SHANK2: variants seen among roughly 807,000 people sequenced by gnomAD.
The protein encoded by SHANK2 is SH3 and multiple ankyrin repeat domains 2.
Under a neutral mutation model 133.7 loss-of-function variants are expected in SHANK2, and 43 were observed. The ratio of observed to expected loss-of-function variants is 0.32; its 90% CI spans 0.25 to 0.41. The LOEUF (loss-of-function observed/expected upper bound fraction) is 0.41. SHANK2 is among the 10% of genes least tolerant of loss of function. The pLI is 1.00. For synonymous variants in SHANK2, 1,017 were observed against 952.8 expected, an observed-to-expected ratio of 1.07 and a Z score of -1.24; for missense variants, 1,994 against 2,235.8, an observed-to-expected ratio of 0.89 and a Z score of 2.18.
At chr11:71,060,118 CG>C (rs1267560469) in intron 9 of SHANK2, among the ~76,000 whole-genome samples, 2 of 152,174 alleles carry the variant, frequency 1.3e-5, no homozygotes, top group Non-Finnish European at 2.9e-5. Flanking sequence ...GGTTCTCAAC[CG>C]GGGGTAATTT....
chr11:70,842,593 G>A (rs531640647), intron 11 of SHANK2, among the ~76,000 whole-genome samples: 117 of 152,338 alleles, frequency 7.7e-4, no homozygotes, highest in Non-Finnish European at 1.3e-3. Flanking sequence ...GCCCTGCACC[G>A]TGAGCTCCTG....
chr11:70,677,410 G>A (rs1944922728), intron 15 of SHANK2, among the ~76,000 whole-genome samples: 1 of 152,164 alleles, frequency 6.6e-6, no homozygotes, highest in Non-Finnish European at 1.5e-5. Flanking sequence ...CTAGAACCCG[G>A]GCCACCACCC....
intron 6 of SHANK2, among the ~76,000 whole-genome samples, chr11:71,102,788 G>T (rs1416823104): frequency 2.0e-5 from 3 of 152,214 alleles, no homozygotes; most frequent in African/African-American, 7.2e-5. Context: ...CCCAGGGCAA[G>T]TGGAGCCCAG....
At chr11:71,193,913 T>C (rs1212001376) in intron 2 of SHANK2, among the ~76,000 whole-genome samples, 2 of 152,196 alleles carry the variant, frequency 1.3e-5, no homozygotes, top group Non-Finnish European at 2.9e-5. Flanking sequence ...ACTGGCCTCA[T>C]TTAACTTGAT....
chr11:71,148,896 C>T (rs11828210), intron 2 of SHANK2, among the ~76,000 whole-genome samples: 4,412 of 152,158 alleles, frequency 0.029, 211 homozygotes, highest in African/African-American at 0.1. Flanking sequence ...TTTCACCGTG[C>T]GTAACGGCAC....
chr11:70,653,585 A>G (rs1215103484), intron 17 of SHANK2, among the ~76,000 whole-genome samples: 4 of 151,690 alleles, frequency 2.6e-5, no homozygotes, highest in Non-Finnish European at 4.4e-5. Context: ...AAAAAAAAAA[A>G]AAAAGAAAGA....
chr11:70,616,229 T>C (rs2060739698), intron 17 of SHANK2, among the ~76,000 whole-genome samples: 1 of 152,166 alleles, frequency 6.6e-6, no homozygotes. Context: ...GACTGCTCCT[T>C]GCTCCGATAA....
chr11:70,478,222 C>T (rs2058689020), intron 25 of SHANK2, among the ~76,000 whole-genome samples: 1 of 151,846 alleles, frequency 6.6e-6, no homozygotes. Flanking sequence ...TCATAGCTCA[C>T]TGCAGCCTCA....
At chr11:71,132,514 T>C (rs1293115587) in intron 3 of SHANK2, among the ~76,000 whole-genome samples, 3 of 152,204 alleles carry the variant, frequency 2.0e-5, no homozygotes, top group Non-Finnish European at 4.4e-5. Context: ...GAGATTTAAG[T>C]AGGCATTAAC....
At chr11:70,768,483 T>C (rs1481442349) in intron 14 of SHANK2, among the ~76,000 whole-genome samples, 1 of 151,738 alleles carries the variant, frequency 6.6e-6, no homozygotes, top group Non-Finnish European at 1.5e-5. Context: ...GGCGGCACAG[T>C]GGGGAGGTGG....
intron 3 of SHANK2, among the ~76,000 whole-genome samples, chr11:71,136,457 A>G (rs1952441094): frequency 6.6e-6 from 1 of 152,242 alleles, no homozygotes; most frequent in Non-Finnish European, 1.5e-5. Context: ...AGGAATGCAG[A>G]GCGTGGAATG....
chr11:70,586,214 G>A (rs1163114585), intron 17 of SHANK2, among the ~76,000 whole-genome samples: 2 of 151,936 alleles, frequency 1.3e-5, no homozygotes, highest in Non-Finnish European at 2.9e-5. Context: ...ATGTCGCCCA[G>A]GAGTCAGCAA....
chr11:70,846,107 C>T (rs1948993250), intron 11 of SHANK2, among the ~76,000 whole-genome samples: 1 of 152,152 alleles, frequency 6.6e-6, no homozygotes, highest in African/African-American at 2.4e-5. Context: ...CTAGAGTGCG[C>T]TTCCAGTGGG....
intron 11 of SHANK2, among the ~76,000 whole-genome samples, chr11:70,885,129 T>G (rs1368385552): frequency 6.6e-6 from 1 of 151,904 alleles, no homozygotes; most frequent in Non-Finnish European, 1.5e-5. Flanking sequence ...AGAACTGGGG[T>G]CTCGTGTGGT....
intron 11 of SHANK2, among the ~76,000 whole-genome samples, chr11:70,892,017 A>G (rs1339636706): frequency 6.6e-6 from 1 of 152,198 alleles, no homozygotes; most frequent in Non-Finnish European, 1.5e-5. Flanking sequence ...TGACTAAAAC[A>G]TGATGTCTCT....
intron 2 of SHANK2, among the ~76,000 whole-genome samples, chr11:71,160,432 C>A (rs1215682609): frequency 1.3e-5 from 2 of 152,178 alleles, no homozygotes; most frequent in African/African-American, 4.8e-5. Flanking sequence ...ATAGGACTAG[C>A]ATCCCTATAA....
At chr11:70,931,217 G>A (rs74751207) in intron 10 of SHANK2, among the ~76,000 whole-genome samples, 1,932 of 152,256 alleles carry the variant, frequency 0.013, 40 homozygotes, top group African/African-American at 0.043. Flanking sequence ...CTGCAGGGAG[G>A]GAGGTTAAGG....
chr11:71,253,214 G>A (rs1242204119), upstream of SHANK2, among the ~76,000 whole-genome samples: 1 of 152,222 alleles, frequency 6.6e-6, no homozygotes, highest in East Asian at 1.9e-4. Context: ...ACCCTCCGGA[G>A]ACTCCAGGAA....
At chr11:70,736,637 C>T (rs754669897) in intron 14 of SHANK2, among the ~76,000 whole-genome samples, 8 of 152,162 alleles carry the variant, frequency 5.3e-5, no homozygotes, top group Non-Finnish European at 1.2e-4. Flanking sequence ...CTGCTGCCAC[C>T]GTGATATTGG....
Sources: gnomAD v4.1 joint callset for allele counts (sites outside exome capture counted in the v4.1 genomes callset) on GRCh38, gnomAD v4.1.1 for gene constraint, MANE v1.5 for transcripts, NCBI Gene and HGNC (gene_info 2026-07-23, HGNC 2026-07-21) for gene names.